The following SNTG2 variants were observed in gnomAD, a reference collection of about 807,000 sequenced individuals.
The protein encoded by SNTG2 is gamma-2-syntrophin.
SNTG2 carries 74 observed loss-of-function variants against 70.9 expected under a neutral mutation model. The observed-to-expected ratio is 1.04, with a 90% CI of 0.86 to 1.27. SNTG2 has a LOEUF of 1.27. Ranked by LOEUF, SNTG2 falls within the 50% of genes most tolerant of loss-of-function variation. The pLI is 0.00. For synonymous variants in SNTG2, 278 were observed against 273.8 expected, an observed-to-expected ratio of 1.02 and a Z score of -0.15; for missense variants, 717 against 690.7, an observed-to-expected ratio of 1.04 and a Z score of -0.43.
At chr2:964,969 G>A (rs570397219) in intron 1 of SNTG2, among the ~76,000 whole-genome samples, 19 of 142,674 alleles carry the variant, frequency 1.3e-4, no homozygotes, top group Middle Eastern at 3.5e-3. Context: ...CTGCTCCTTG[G>A]CCCCTCAGTC....
intron 1 of SNTG2, among the ~76,000 whole-genome samples, chr2:992,689 G>A (rs1661540889): frequency 6.6e-6 from 1 of 152,166 alleles, no homozygotes; most frequent in Admixed American, 6.5e-5. Context: ...AGTGCAGGGA[G>A]TCATTTTATG....
chr2:1,051,289 C>G (rs948798900), intron 1 of SNTG2, among the ~76,000 whole-genome samples: 8 of 151,474 alleles, frequency 5.3e-5, no homozygotes, highest in Admixed American at 4.0e-4. Context: ...TGTTGAGCAC[C>G]CTTTGCTCAT....
chr2:1,126,763 TC>T (rs992896512), intron 4 of SNTG2, among the ~76,000 whole-genome samples: 4 of 152,184 alleles, frequency 2.6e-5, no homozygotes, highest in African/African-American at 9.7e-5. Context: ...TAGTCATTTT[TC>T]TTCTTTTGAG....
At chr2:1,324,717 T>C (rs2148276336) in intron 16 of SNTG2, among the ~76,000 whole-genome samples, 1 of 152,332 alleles carries the variant, frequency 6.6e-6, no homozygotes, top group East Asian at 1.9e-4. Flanking sequence ...ATTTTTAAAA[T>C]AAGTTTTAGT....
At chr2:1,137,502 G>GCACA (rs35182823) in intron 4 of SNTG2, 120 bp from the exon 5 acceptor site, 304,190 of 843,078 alleles carry the variant, frequency 0.36, 38,666 homozygotes, top group Middle Eastern at 0.41. Flanking sequence ...GTGGACACAT[G>GCACA]CACACACACA....
intron 14 of SNTG2, among the ~76,000 whole-genome samples, chr2:1,284,171 T>C (rs1267422512): frequency 2.0e-5 from 3 of 152,214 alleles, no homozygotes; most frequent in African/African-American, 7.2e-5. Flanking sequence ...CGATTGGAAC[T>C]AAGAGCGCTG....
chr2:970,822 T>C (rs972781438), intron 1 of SNTG2, among the ~76,000 whole-genome samples: 46 of 152,076 alleles, frequency 3.0e-4, no homozygotes, highest in South Asian at 4.2e-4. Flanking sequence ...TTTCTAGTTC[T>C]AGATCCCTGA....
chr2:1,349,575 G>A (rs146844238), intron 16 of SNTG2, among the ~76,000 whole-genome samples: 204 of 152,344 alleles, frequency 1.3e-3, no homozygotes, highest in African/African-American at 4.8e-3. Flanking sequence ...AAATTCCTGT[G>A]TTCTGAGCTG....
chr2:1,354,584 G>T (rs1323254518), intron 16 of SNTG2, among the ~76,000 whole-genome samples: 1 of 55,864 alleles, frequency 1.8e-5, no homozygotes, highest in Non-Finnish European at 3.4e-5. Flanking sequence ...TCAGGGACTG[G>T]CTGTTCCGAG....
At chr2:1,221,467 C>CTCTCTCTGTCTCTCTCTGTCTCTTTG (rs1558548869) in intron 9 of SNTG2, among the ~76,000 whole-genome samples, 1 of 33,234 alleles carries the variant, frequency 3.0e-5, no homozygotes, top group African/African-American at 1.7e-4. Context: ...CTGTCTCTGT[C>CTCTCTCTGTCTCTCTCTGTCTCTTTG]TCTCTGTCTC....
intron 1 of SNTG2, among the ~76,000 whole-genome samples, chr2:1,056,256 TGTGGGG>T (rs1163849844): frequency 1.7e-5 from 1 of 60,362 alleles, no homozygotes; most frequent in African/African-American, 7.1e-5. Flanking sequence ...CGCACTGTGC[TGTGGGG>T]AGGGAGGGAG....
intron 8 of SNTG2, among the ~76,000 whole-genome samples, chr2:1,177,322 G>A (rs894525932): frequency 2.2e-4 from 33 of 152,058 alleles, no homozygotes; most frequent in Admixed American, 2.2e-3. Context: ...GGCCCGGCAA[G>A]GGGTGGGGGC....
At chr2:1,162,356 ACT>A (rs1670373283) in intron 6 of SNTG2, among the ~76,000 whole-genome samples, 1 of 152,138 alleles carries the variant, frequency 6.6e-6, no homozygotes, top group South Asian at 2.1e-4. Context: ...TGGGCGACAG[ACT>A]CACATACGGA....
chr2:1,362,113 TGCTG>T (rs1661197984), intron 16 of SNTG2, among the ~76,000 whole-genome samples: 1 of 148,468 alleles, frequency 6.7e-6, no homozygotes, highest in Non-Finnish European at 1.5e-5. Context: ...AAGTCACTGA[TGCTG>T]AGCATTTCAG....
chr2:1,026,203 A>G (rs1328066699), intron 1 of SNTG2, among the ~76,000 whole-genome samples: 2 of 152,182 alleles, frequency 1.3e-5, no homozygotes, highest in Admixed American at 1.3e-4. Flanking sequence ...CCAACACCAG[A>G]TGCAGACACG....
chr2:1,189,420 G>A (rs929266112), intron 8 of SNTG2, among the ~76,000 whole-genome samples: 1 of 152,084 alleles, frequency 6.6e-6, no homozygotes, highest in African/African-American at 2.4e-5. Flanking sequence ...GCATAGTCAA[G>A]GTATTATTGA....
At chr2:994,233 G>A (rs1428369029) in intron 1 of SNTG2, among the ~76,000 whole-genome samples, 1 of 152,058 alleles carries the variant, frequency 6.6e-6, no homozygotes, top group East Asian at 1.9e-4. Flanking sequence ...TATCCAGAGA[G>A]CCCAGCATCA....
intron 1 of SNTG2, among the ~76,000 whole-genome samples, chr2:1,072,332 C>CTTTTTTTT (rs1242829771): frequency 5.1e-4 from 51 of 100,356 alleles, no homozygotes; most frequent in Non-Finnish European, 7.0e-4. Context: ...TTTTCTTTTT[C>CTTTTTTTT]TTTTCTTTTT....
At chr2:986,960 C>T (rs1031750981) in intron 1 of SNTG2, among the ~76,000 whole-genome samples, 5 of 152,122 alleles carry the variant, frequency 3.3e-5, no homozygotes, top group Non-Finnish European at 5.9e-5. Context: ...GTAACACATT[C>T]GATTATCGTT....
Sources: allele counts gnomAD v4.1 joint callset (sites outside exome capture counted in the v4.1 genomes callset), GRCh38; gene constraint gnomAD v4.1.1; transcripts MANE v1.5; gene names NCBI Gene and HGNC (gene_info 2026-07-23, HGNC 2026-07-21).